The following PDE11A variants were observed in gnomAD, a reference collection of about 807,000 sequenced individuals.
PDE11A encodes the protein dual 3',5'-cyclic-AMP and -GMP phosphodiesterase 11A.
In PDE11A, 100 loss-of-function variants were observed where a neutral mutation model predicts 100.5. The observed-to-expected ratio is 1.00, with a 90% CI of 0.85 to 1.18. PDE11A has a LOEUF of 1.18. PDE11A is among the 50% of genes most tolerant of loss of function. The probability of loss-of-function intolerance (pLI) is 0.00; values close to 1 mark genes in which losing one functional copy is unlikely to be tolerated. For synonymous variants in PDE11A, 381 were observed against 420.8 expected (o/e 0.91, Z 1.16); for missense variants, 1,141 against 1,152.6 (o/e 0.99, Z 0.15).
intron 4 of PDE11A, among the ~76,000 whole-genome samples, chr2:177,896,294 A>T (rs906212826): frequency 6.6e-6 from 1 of 152,198 alleles, no homozygotes; most frequent in Admixed American, 6.5e-5. Context: ...ATCAACTTCC[A>T]TCATCTATAT....
At chr2:177,705,712 A>T (rs2081267575) in intron 13 of PDE11A, among the ~76,000 whole-genome samples, 1 of 152,230 alleles carries the variant, frequency 6.6e-6, no homozygotes, top group Admixed American at 6.5e-5. Flanking sequence ...TAAAAAGGAA[A>T]ACTATGAAAG....
chr2:177,893,268 T>G (rs2084558410), intron 4 of PDE11A, among the ~76,000 whole-genome samples: 1 of 152,228 alleles, frequency 6.6e-6, no homozygotes, highest in African/African-American at 2.4e-5. Context: ...ATAACCCTGC[T>G]ATAAATTTTA....
intron 4 of PDE11A, among the ~76,000 whole-genome samples, chr2:177,894,025 GACCAAAA>G (rs2084571998): frequency 6.6e-6 from 1 of 152,152 alleles, no homozygotes; most frequent in African/African-American, 2.4e-5. Context: ...TTTGGCAGAT[GACCAAAA>G]ATGTACAGAT....
chr2:177,861,203 G>GA (rs1167484058), intron 5 of PDE11A, among the ~76,000 whole-genome samples: 1 of 151,474 alleles, frequency 6.6e-6, no homozygotes, highest in African/African-American at 2.4e-5. Flanking sequence ...AAGGAATTCA[G>GA]AAAAAACTAT....
chr2:177,819,723 C>A (rs1357727686), intron 7 of PDE11A, among the ~76,000 whole-genome samples: 1 of 151,988 alleles, frequency 6.6e-6, no homozygotes, highest in Non-Finnish European at 1.5e-5. Flanking sequence ...TTTGCCTTTA[C>A]ACCATGTATA....
intron 9 of PDE11A, among the ~76,000 whole-genome samples, chr2:177,787,912 G>A (rs2082563228): frequency 6.6e-6 from 1 of 152,116 alleles, no homozygotes; most frequent in African/African-American, 2.4e-5. Context: ...CCTACAAAGA[G>A]ACTTAGACTT....
intron 1 of PDE11A, among the ~76,000 whole-genome samples, chr2:178,023,322 A>T (rs2086437420): frequency 1.3e-5 from 2 of 152,334 alleles, no homozygotes; most frequent in African/African-American, 2.4e-5. Flanking sequence ...CCCCAAAAAA[A>T]CACACTTTAG....
intron 2 of PDE11A, among the ~76,000 whole-genome samples, chr2:177,918,184 T>A (rs982951081): frequency 3.0e-4 from 45 of 152,228 alleles, no homozygotes; most frequent in Non-Finnish European, 1.0e-4. Context: ...GGGGAAACTG[T>A]CTACATGAGT....
intron 2 of PDE11A, among the ~76,000 whole-genome samples, chr2:178,013,577 T>C (rs1434570283): frequency 1.3e-5 from 2 of 152,210 alleles, no homozygotes; most frequent in African/African-American, 4.8e-5. Flanking sequence ...AATAGAAATA[T>C]GAGAGTCATC....
chr2:177,879,849 C>G (rs1023313942), intron 4 of PDE11A, among the ~76,000 whole-genome samples: 1 of 151,850 alleles, frequency 6.6e-6, no homozygotes, highest in African/African-American at 2.4e-5. Context: ...GTTGGAGAAA[C>G]TACTAAAAGG....
intron 1 of PDE11A, among the ~76,000 whole-genome samples, chr2:178,024,992 TA>T (rs1170315685): frequency 6.6e-6 from 1 of 152,198 alleles, no homozygotes; most frequent in African/African-American, 2.4e-5. Context: ...TTACACTGCA[TA>T]AAAACAAAGA....
intron 14 of PDE11A, 171 bp downstream of exon 14, chr2:177,700,950 T>C (rs1439747716): frequency 1.5e-6 from 1 of 677,184 alleles, no homozygotes; most frequent in Non-Finnish European, 2.7e-6. Context: ...TGCAAGGTCC[T>C]GCTCAGGCAT....
At chr2:177,633,292 A>G (rs2105435624) in intron 19 of PDE11A, among the ~76,000 whole-genome samples, 1 of 152,378 alleles carries the variant, frequency 6.6e-6, no homozygotes, top group South Asian at 2.1e-4. Flanking sequence ...AGTCAATAGT[A>G]AGTCCTCCAA....
chr2:178,015,053 C>A (rs939926183), intron 1 of PDE11A, among the ~76,000 whole-genome samples: 1 of 152,112 alleles, frequency 6.6e-6, no homozygotes, highest in Admixed American at 6.5e-5. Flanking sequence ...AAGCAAGGGT[C>A]ATTAAGTATG....
chr2:177,828,603 G>T (rs189050401), intron 6 of PDE11A, among the ~76,000 whole-genome samples: 3 of 152,306 alleles, frequency 2.0e-5, no homozygotes, highest in East Asian at 3.9e-4. Flanking sequence ...TTGGACAATG[G>T]TCTTAAAGAG....
chr2:178,091,651 G>C (rs1175012134), intron 2 of PDE11A, among the ~76,000 whole-genome samples: 1 of 152,130 alleles, frequency 6.6e-6, no homozygotes, highest in Non-Finnish European at 1.5e-5. Context: ...TTGGGTGATA[G>C]AACACTTGCA....
At chr2:177,954,136 G>T (rs1367757240) in intron 2 of PDE11A, among the ~76,000 whole-genome samples, 4 of 151,368 alleles carry the variant, frequency 2.6e-5, no homozygotes, top group Non-Finnish European at 5.9e-5. Context: ...TATGTGTTCT[G>T]GTCTATAATG....
chr2:178,024,519 T>C (rs1420777142), intron 1 of PDE11A, among the ~76,000 whole-genome samples: 2 of 152,246 alleles, frequency 1.3e-5, no homozygotes, highest in African/African-American at 4.8e-5. Context: ...GTCTTTTCCA[T>C]ACACTTTCCC....
intron 10 of PDE11A, among the ~76,000 whole-genome samples, chr2:177,750,808 C>G (rs1202158815): frequency 6.6e-6 from 1 of 152,152 alleles, no homozygotes; most frequent in East Asian, 1.9e-4. Flanking sequence ...CTTTTTGTGG[C>G]CATGTGGTAC....
Sources: gnomAD v4.1 joint callset for allele counts (sites outside exome capture counted in the v4.1 genomes callset) on GRCh38, gnomAD v4.1.1 for gene constraint, MANE v1.5 for transcripts, NCBI Gene and HGNC (gene_info 2026-07-23, HGNC 2026-07-21) for gene names.